QRICH2: variants seen among roughly 807,000 people sequenced by gnomAD.
The protein encoded by QRICH2 is glutamine-rich protein 2.
A neutral mutation model predicts 168.3 loss-of-function variants in QRICH2; 119 were observed. The observed-to-expected ratio is 0.71, with a 90% CI of 0.61 to 0.82. QRICH2 has a LOEUF of 0.82. Ranked by LOEUF, QRICH2 falls within the 40% of genes least tolerant of loss-of-function variation. The probability of loss-of-function intolerance (pLI) is 0.00; values close to 1 mark genes in which losing one functional copy is unlikely to be tolerated. For synonymous variants in QRICH2, 894 were observed against 951.2 expected (o/e 0.94, Z 1.11); for missense variants, 2,241 against 2,491.6 (o/e 0.90, Z 2.14).
chr17:76,308,700 C>T (rs1235446775), upstream of QRICH2, among the ~76,000 whole-genome samples: 1 of 152,102 alleles, frequency 6.6e-6, no homozygotes, highest in Admixed American at 6.6e-5. Flanking sequence ...CAATTAGCCA[C>T]TAGATGACTA....
intron 17 of QRICH2, among the ~76,000 whole-genome samples, 188 bp from the exon 18 acceptor site, chr17:76,276,135 C>CACCCAACCT (rs2070675110): frequency 6.8e-6 from 1 of 146,764 alleles, no homozygotes; most frequent in African/African-American, 2.5e-5. Context: ...CGTGGCCACC[C>CACCCAACCT]ACCCACTCAC....
chr17:76,282,448 C>T (rs551477238), intron 7 of QRICH2, among the ~76,000 whole-genome samples: 36 of 152,338 alleles, frequency 2.4e-4, no homozygotes, highest in African/African-American at 7.5e-4. Context: ...TTAGCCGGGC[C>T]ATAAACACAC....
intron 7 of QRICH2, among the ~76,000 whole-genome samples, chr17:76,282,753 G>T (rs1421882261): frequency 2.0e-5 from 3 of 152,176 alleles, no homozygotes; most frequent in Admixed American, 2.0e-4. Flanking sequence ...GTAGACAGCT[G>T]ATCCAAGGGC....
chr17:76,298,686 G>A (rs990326558), intron 3 of QRICH2, among the ~76,000 whole-genome samples: 1 of 151,564 alleles, frequency 6.6e-6, no homozygotes, highest in Non-Finnish European at 1.5e-5. Flanking sequence ...CGCGATCTCG[G>A]CTCACTGCAA....
chr17:76,295,951 G>A (rs528448376), intron 3 of QRICH2, among the ~76,000 whole-genome samples: 180 of 152,032 alleles, frequency 1.2e-3, no homozygotes, highest in African/African-American at 4.2e-3. Flanking sequence ...GAGGCTGGGC[G>A]CAGTGGCTCA....
chr17:76,277,027 G>T, intron 16 of QRICH2, 136 bp downstream of exon 16: 1 of 977,482 alleles, frequency 1.0e-6, no homozygotes, highest in Non-Finnish European at 1.5e-6. Flanking sequence ...AGAACCTGAG[G>T]CTTTGACTGG....
rs377327777 is a variant in QRICH2, at chr17:76,304,513, G to A, written c.607C>T (p.Arg203Trp). 1.2e-5 allele frequency: 20 copies of A among 1,611,566 alleles called. No homozygotes were observed. The highest frequency in any genetic ancestry group is 6.7e-5 in the Admixed American group (4 of 59,920). ...GCACCAGGAACCAAACTCAGCTTCCGGCTGACTAGTTCCTGACAGTGACAG... is the reference window on the plus strand; with the variant it reads ...GCACCAGGAACCAAACTCAGCTTCCAGCTGACTAGTTCCTGACAGTGACAG... ...DREQFLELVS[R>W]KLSLVPGAEE... The change falls in exon 3 of 19, where the codon CGG becomes TGG. Residue 203 changes from arginine to tryptophan, a missense_variant. Around this residue, in one of 3 missense-constraint regions of QRICH2, gnomAD observed 2,047 missense variants for 2,303.8 expected, o/e 0.89. Transcript: ENST00000680821.
At chr17:76,284,601 G>A (rs1029647620) in intron 7 of QRICH2, among the ~76,000 whole-genome samples, 6 of 151,758 alleles carry the variant, frequency 4.0e-5, no homozygotes, top group African/African-American at 7.3e-5. Flanking sequence ...GGTGGATCAC[G>A]AGGTCAGGAG....
chr17:76,306,379 G>A (rs1363658494), intron 1 of QRICH2, among the ~76,000 whole-genome samples: 3 of 151,926 alleles, frequency 2.0e-5, no homozygotes, highest in South Asian at 2.1e-4. Flanking sequence ...GCCTCTTCCC[G>A]GCCTCTTTTT....
rs542791814 is a variant in QRICH2 at position 76,281,545 on chromosome 17, A to G, written c.4263+319T>C. On this transcript the variant is annotated intron_variant, in intron 8 of 18. Coordinates refer to ENST00000680821, the MANE Select transcript of QRICH2 (RefSeq NM_001388453.1). This position sits in a 1 kb window ranked among gnomAD's most constrained non-coding sequence, Gnocchi z 4.4. ...GGAAGACTCGCGTGCCAGGGAGTCA[A>G]CATCTCCTACAGTTGGGCCTGTGTC... Among the ~76,000 whole-genome samples the G allele has an allele frequency of 2.0e-5, 3 of 152,308 alleles. No homozygotes were observed. Among genetic ancestry groups the G allele is most frequent in the African/African-American group, 7.2e-5 (3 of 41,566 alleles).
rs1298979277 is a variant in QRICH2 at position 76,307,822 on chromosome 17, G to C, written c.177C>G (p.Arg59=). The C allele has an allele frequency of 3.9e-6, 5 of 1,295,442 alleles. No individual in the cohort carries two copies. Among genetic ancestry groups the C allele is most frequent in the Non-Finnish European group, 2.9e-6 (3 of 1,024,144 alleles). The allele number at this position is 1,295,442 out of a possible 1,614,324, so 80.2% of individuals were successfully genotyped here. A position where few individuals can be genotyped will look rare whatever the true frequency, so the allele number is the denominator to read the frequency against. ...ACGAGCTCCGGACGGACTGCAGCGA[G>C]CGGCTGGGCTCGGGCGACGAGGGCT... is the stretch of plus-strand genomic sequence containing the variant. ...DFQPSSPEPS[R]SLQSVRSSFS... Residue 59 remains arginine, a synonymous_variant, in exon 1 of 19, where the codon CGC becomes CGG. Coordinates refer to ENST00000680821, the MANE Select transcript of QRICH2 (RefSeq NM_001388453.1). This position sits in a 1 kb window ranked among gnomAD's most constrained non-coding sequence, Gnocchi z 5.3.
Position 76,280,581 on chromosome 17 carries a change from C to T in QRICH2, c.4461+73G>A. On this transcript the variant is annotated intron_variant, in intron 10 of 18. Coordinates refer to ENST00000680821, the MANE Select transcript of QRICH2 (RefSeq NM_001388453.1). This position sits in a 1 kb window ranked among gnomAD's most constrained non-coding sequence, Gnocchi z 7.4. ...CACACTCGTCTCGCCAGCTCCCCTC[C>T]ACTCAGTCTCTCAAAGAACAGTCAG... The T allele has an allele frequency of 2.5e-6, 4 of 1,600,058 alleles. No individual in the cohort carries two copies. The highest frequency in any genetic ancestry group is 1.1e-5 in the South Asian group (1 of 90,700).
At chr17:76,274,611 G>A (rs1397503620) in intron 18 of QRICH2, among the ~76,000 whole-genome samples, 3 of 152,194 alleles carry the variant, frequency 2.0e-5, no homozygotes, top group Non-Finnish European at 4.4e-5. Flanking sequence ...CCTCTCTCCT[G>A]CTTCCAGGGC....
Position 76,292,652 on chromosome 17 carries a change from TG to T in QRICH2, c.2074del (p.Gln692AsnfsTer44). The T allele has an allele frequency of 6.2e-7, 1 of 1,613,998 alleles. No individual in the cohort carries two copies. ...CACATCAATCTGATCTGCACCAGGT[TG>T]GACCAAGCCAGGCTGATATGCACCA... is the stretch of plus-strand genomic sequence containing the variant. ...QPGAYQPGLV[Q>X]PGADQIDVVQ... is the part of the protein sequence containing the mutation. On this transcript the variant is annotated frameshift_variant, in exon 4 of 19. Coordinates refer to ENST00000680821, the MANE Select transcript of QRICH2 (RefSeq NM_001388453.1). LOFTEE classifies it high-confidence loss of function.
At position 76,291,070 on chromosome 17, in the gene QRICH2, C is replaced by T. The variant is rs2143281340; in HGVS notation, c.3657G>A (p.Glu1219=). Residue 1219 remains glutamate, a synonymous_variant, in exon 4 of 19, where the codon GAG becomes GAA. Transcript: ENST00000680821. ...GLKESMKDLD[E]EQAGQTDLEK... ...CCAAGTCGGTTTGGCCGGCCTGCTC[C>T]TCATCCAGATCCTTCATACTCTCCT... The T allele has an allele frequency of 6.2e-7, 1 of 1,614,192 alleles. No homozygotes were observed. Among genetic ancestry groups the T allele is most frequent in the Non-Finnish European group, 8.5e-7 (1 of 1,180,030 alleles).
At chr17:76,294,056 C>T (rs1313918205) in intron 3 of QRICH2, 35 bp from the exon 4 acceptor site, 1 of 1,553,202 alleles carries the variant, frequency 6.4e-7, no homozygotes, top group Non-Finnish European at 8.7e-7. Flanking sequence ...CAATAACAGT[C>T]AAAATATTCA....
chr17:76,308,479 G>T, upstream of QRICH2: 1 of 985,404 alleles, frequency 1.0e-6, no homozygotes, highest in Non-Finnish European at 1.2e-6. Context: ...ACTCTTGGCG[G>T]GGCCACATAA....
At chr17:76,287,946 T>A in intron 5 of QRICH2, 49 bp from the exon 6 acceptor site, 1 of 1,459,502 alleles carries the variant, frequency 6.9e-7, no homozygotes, top group Non-Finnish European at 9.6e-7. Flanking sequence ...AGCTCCCGCT[T>A]CCCAAGTGTG....
chr17:76,281,080 T>G lies in QRICH2; in HGVS notation c.4264-127A>C, dbSNP rs921294024. ...CTGCAAGGCTGGGAGCGGTGGCTCA[T>G]GCCTGTAGTCCTGGCACTTTGGGAA... On this transcript the variant is annotated intron_variant, in intron 8 of 18. Coordinates refer to ENST00000680821, the MANE Select transcript of QRICH2 (RefSeq NM_001388453.1). The surrounding 1 kb of genome is among the most constrained non-coding windows in gnomAD (Gnocchi z 4.4). 4.9e-5 allele frequency: 64 copies of G among 1,313,856 alleles called. No individual in the cohort carries two copies. Among genetic ancestry groups the G allele is most frequent in the Middle Eastern group, 2.7e-4 (1 of 3,760 alleles). The allele number at this position is 1,313,856 out of a possible 1,614,324, so 81.4% of individuals were successfully genotyped here. A position where few individuals can be genotyped will look rare whatever the true frequency, so the allele number is the denominator to read the frequency against.
Sources: gnomAD v4.1 joint callset for allele counts (sites outside exome capture counted in the v4.1 genomes callset) on GRCh38, gnomAD v4.1.1 for gene constraint, gnomAD v4.1.1 regional missense constraint, Gnocchi (gnomAD v3.1) non-coding constraint, MANE v1.5 for transcripts, NCBI Gene and HGNC (gene_info 2026-07-23, HGNC 2026-07-21) for gene names.